The following ZNF827 variants were observed in gnomAD, a reference collection of about 807,000 sequenced individuals.
The protein encoded by ZNF827 is zinc finger protein 827.
In ZNF827, 13 loss-of-function variants were observed where a neutral mutation model predicts 102.4. That is an observed-to-expected ratio of 0.13 (90% CI 0.08 to 0.20). The LOEUF (loss-of-function observed/expected upper bound fraction) is 0.20, where lower values mean the gene tolerates loss of function less well. Among genes scored for constraint, ZNF827 ranks in the 10% least tolerant of loss-of-function variants. The pLI, the probability that ZNF827 is intolerant of heterozygous loss-of-function variation, is 1.00. For missense variants in ZNF827, 1,103 were observed against 1,344.4 expected, an observed-to-expected ratio of 0.82 and a Z score of 2.81; for synonymous variants, 523 against 536.2, an observed-to-expected ratio of 0.98 and a Z score of 0.34.
intron 5 of ZNF827, among the ~76,000 whole-genome samples, chr4:145,857,378 CAT>C (rs1199492546): frequency 1.3e-5 from 2 of 152,204 alleles, no homozygotes; most frequent in Non-Finnish European, 2.9e-5. Context: ...GTACATGAAA[CAT>C]ATCATTTTCT....
intron 8 of ZNF827, among the ~76,000 whole-genome samples, chr4:145,785,928 T>C (rs1738791532): frequency 6.6e-6 from 1 of 152,252 alleles, no homozygotes; most frequent in Non-Finnish European, 1.5e-5. Flanking sequence ...ATTAAAAGTA[T>C]AAGCCTAGAA....
intron 8 of ZNF827, among the ~76,000 whole-genome samples, chr4:145,796,668 T>C (rs1740421876): frequency 6.6e-6 from 1 of 150,882 alleles, no homozygotes; most frequent in African/African-American, 2.4e-5. Context: ...TTGCTCTTGT[T>C]GCCCAGGCTG....
intron 4 of ZNF827, among the ~76,000 whole-genome samples, chr4:145,882,506 C>A (rs1052444206): frequency 6.6e-6 from 1 of 151,952 alleles, no homozygotes; most frequent in South Asian, 2.1e-4. Context: ...TAAGAAACCT[C>A]TAACAGGAAT....
intron 7 of ZNF827, chr4:145,832,470 G>A (rs1424253547): frequency 6.6e-6 from 1 of 151,786 alleles, no homozygotes; most frequent in Non-Finnish European, 1.5e-5. Flanking sequence ...GCACAGAGTT[G>A]ATCGGGCCTT....
intron 11 of ZNF827, among the ~76,000 whole-genome samples, chr4:145,773,525 C>T (rs1414886864): frequency 6.6e-6 from 1 of 152,212 alleles, no homozygotes; most frequent in African/African-American, 2.4e-5. Context: ...CAATCAGCAA[C>T]ATCAGCTCTT....
intron 7 of ZNF827, among the ~76,000 whole-genome samples, chr4:145,829,120 A>G (rs1240462856): frequency 6.6e-6 from 1 of 152,160 alleles, no homozygotes; most frequent in African/African-American, 2.4e-5. Context: ...TTTGGTAATG[A>G]CACAACAGTT....
At position 145,765,263 on chromosome 4, in the gene ZNF827, C is replaced by T. The variant is rs574746995; in HGVS notation, c.3053-98G>A. 17 of 1,306,460 alleles carry T rather than the reference C, an allele frequency of 1.3e-5. No homozygotes were observed. The highest frequency in any genetic ancestry group is 5.9e-5 in the African/African-American group (4 of 67,482). 80.9% of individuals were successfully genotyped at this position (1,306,460 alleles called of 1,614,324 possible). A position where few individuals can be genotyped will look rare whatever the true frequency, so the allele number is the denominator to read the frequency against. On this transcript the variant is annotated intron_variant, in intron 12 of 14. Transcript: ENST00000508784. The surrounding 1 kb of genome is among the most constrained non-coding windows in gnomAD (Gnocchi z 4.7). ...CCTCCCCACTTCCTCCCGCCTCCTC[C>T]GACGCCTGACAGCTATACCCTTCCA...
intron 2 of ZNF827, among the ~76,000 whole-genome samples, chr4:145,901,908 TG>T: frequency 6.6e-6 from 1 of 152,342 alleles, no homozygotes; most frequent in East Asian, 1.9e-4. Context: ...AAAAATCATT[TG>T]TATGAAAGGG....
In ZNF827 at chr4:145,761,434, T is replaced by C. The variant is rs1427775685; in HGVS notation, c.*182A>G. 2 of 1,289,826 alleles carry C rather than the reference T, an allele frequency of 1.6e-6. No homozygotes were observed. Among genetic ancestry groups the C allele is most frequent in the South Asian group, 1.2e-5 (1 of 81,032 alleles). The allele number at this position is 1,289,826 out of a possible 1,614,324, so 79.9% of individuals were successfully genotyped here. On this transcript the variant is annotated 3_prime_UTR_variant, in exon 15 of 15. Transcript: ENST00000508784. This position sits in a 1 kb window ranked among gnomAD's most constrained non-coding sequence, Gnocchi z 6.8. The stretch of plus-strand genomic sequence containing the variant: ...GGACAGGTAGCCGCACTGGTCGCAC[T>C]TGTAGTGGTTGCCCAGGCGGTGCTC...
At chr4:145,806,881 T>C (rs915750050) in intron 8 of ZNF827, among the ~76,000 whole-genome samples, 3 of 152,118 alleles carry the variant, frequency 2.0e-5, no homozygotes, top group Non-Finnish European at 2.9e-5. Flanking sequence ...ACAACCAAGA[T>C]AGAGAAAATG....
chr4:145,849,613 A>T, intron 5 of ZNF827, 52 bp from the exon 6 acceptor site: 1 of 1,605,082 alleles, frequency 6.2e-7, no homozygotes, highest in Non-Finnish European at 8.5e-7. Flanking sequence ...TCTTAATTCC[A>T]AGCTAGACCC....
rs1018803188 is a variant in ZNF827 at position 145,855,415 on chromosome 4, G to C, written c.1982-5854C>G. 8.5e-5 allele frequency among the ~76,000 whole-genome samples: 13 copies of C among 152,178 alleles called. 1 individual carries two copies. The highest frequency in any genetic ancestry group is 1.5e-5 in the Non-Finnish European group (1 of 68,030). ...CCACATATGAAATTTGATTCCTGCA[G>C]GTCTTAGGATTGATCATTACTTAAA... On this transcript the variant is annotated intron_variant, in intron 5 of 14. Coordinates refer to ENST00000508784, the MANE Select transcript of ZNF827 (RefSeq NM_001306215.2).
intron 8 of ZNF827, among the ~76,000 whole-genome samples, chr4:145,806,610 T>C (rs776986590): frequency 1.3e-5 from 2 of 152,060 alleles, no homozygotes; most frequent in Non-Finnish European, 2.9e-5. Flanking sequence ...CAGAGAAGAA[T>C]GAAAATAATC....
rs181781676 is a variant in ZNF827, at chr4:145,883,556, C to T, written c.1747+2122G>A. ...CTGAGATTGGGTCTAGAGCTAATTA[C>T]AGCGTAATGTGAGCACTCAGAGCTG... On this transcript the variant is annotated intron_variant, in intron 4 of 14. Transcript: ENST00000508784. 2.6e-3 allele frequency among the ~76,000 whole-genome samples: 394 copies of T among 152,274 alleles called. 1 individual carries two copies. Among genetic ancestry groups the T allele is most frequent in the Non-Finnish European group, 1.7e-3 (115 of 68,032 alleles).
rs1169226065 is a variant in ZNF827 at position 145,903,088 on chromosome 4, C to G, written c.171G>C (p.Glu57Asp). ...EVQENYKLSL[E>D]DRIQEQSTSP... Reference sequence around the variant, plus strand: ...ACGTGGACTGCTCCTGGATCCGGTCCTCCAGAGACAACTTATAGTTCTCCT... The same window carrying G: ...ACGTGGACTGCTCCTGGATCCGGTCGTCCAGAGACAACTTATAGTTCTCCT... The change falls in exon 2 of 15, where the codon GAG becomes GAC. Residue 57 changes from glutamate to aspartate, a missense_variant. This residue lies in a region of ZNF827 where 441 missense variants were observed against 458.6 expected (regional missense o/e 0.96). Transcript: ENST00000508784. The G allele has an allele frequency of 1.9e-6, 3 of 1,614,174 alleles. No homozygotes were observed. The highest frequency in any genetic ancestry group is 2.7e-5 in the African/African-American group (2 of 75,046).
chr4:145,804,710 A>G (rs1741237104), intron 8 of ZNF827, among the ~76,000 whole-genome samples: 1 of 152,174 alleles, frequency 6.6e-6, no homozygotes, highest in Non-Finnish European at 1.5e-5. Context: ...TGATGATTTA[A>G]TATTTAGTAG....
intron 8 of ZNF827, among the ~76,000 whole-genome samples, chr4:145,796,716 G>T (rs536670450): frequency 7.0e-6 from 1 of 142,088 alleles, no homozygotes; most frequent in African/African-American, 2.7e-5. Flanking sequence ...TGCAACCTCT[G>T]CCTCCCGGGT....
At chr4:145,894,096 G>A (rs1750802781) in intron 2 of ZNF827, among the ~76,000 whole-genome samples, 1 of 152,142 alleles carries the variant, frequency 6.6e-6, no homozygotes, top group Non-Finnish European at 1.5e-5. Flanking sequence ...ATGTGACAGT[G>A]GAATTGTGGT....
intron 8 of ZNF827, among the ~76,000 whole-genome samples, chr4:145,804,154 C>T (rs1303014367): frequency 1.3e-5 from 2 of 152,204 alleles, no homozygotes; most frequent in Non-Finnish European, 2.9e-5. Context: ...TGTGTACACA[C>T]AGAAGTGAAA....
Sources: gnomAD v4.1 joint callset for allele counts (sites outside exome capture counted in the v4.1 genomes callset) on GRCh38, gnomAD v4.1.1 for gene constraint, gnomAD v4.1.1 regional missense constraint, Gnocchi (gnomAD v3.1) non-coding constraint, MANE v1.5 for transcripts, NCBI Gene and HGNC (gene_info 2026-07-23, HGNC 2026-07-21) for gene names.